The following KCNH7 variants were observed in gnomAD, a reference collection of about 807,000 sequenced individuals.
KCNH7 encodes the protein potassium voltage-gated channel subfamily H member 7, also known as voltage-gated inwardly rectifying potassium channel KCNH7.
KCNH7 carries 49 observed loss-of-function variants against 120.8 expected under a neutral mutation model. The observed-to-expected ratio is 0.41, with a 90% CI of 0.32 to 0.51. The LOEUF is 0.51. Ranked by LOEUF, KCNH7 falls within the 20% of genes least tolerant of loss-of-function variation. The probability of loss-of-function intolerance (pLI) is 0.38; values close to 1 mark genes in which losing one functional copy is unlikely to be tolerated. For missense variants in KCNH7, 1,097 were observed against 1,446.6 expected (o/e 0.76, Z 3.92); for synonymous variants, 547 against 516.1 (o/e 1.06, Z -0.81).
intron 13 of KCNH7, among the ~76,000 whole-genome samples, chr2:162,380,801 A>G (rs1686391178): frequency 6.6e-6 from 1 of 152,162 alleles, no homozygotes; most frequent in Admixed American, 6.6e-5. Context: ...GTAAATACGG[A>G]GGAACTAAAG....
At chr2:162,728,402 AAT>A (rs1302754456) in intron 2 of KCNH7, among the ~76,000 whole-genome samples, 1 of 152,132 alleles carries the variant, frequency 6.6e-6, no homozygotes, top group Non-Finnish European at 1.5e-5. Flanking sequence ...TTTTATTAGA[AAT>A]ATGTTTTCCA....
chr2:162,824,230 A>C (rs368789749), intron 2 of KCNH7, among the ~76,000 whole-genome samples: 9 of 152,338 alleles, frequency 5.9e-5, no homozygotes, highest in African/African-American at 1.9e-4. Context: ...CACACTATAC[A>C]CAGTGAGTAT....
chr2:162,542,923 A>G (rs564281403), intron 2 of KCNH7, among the ~76,000 whole-genome samples: 2 of 152,160 alleles, frequency 1.3e-5, no homozygotes, highest in East Asian at 3.9e-4. Flanking sequence ...TTGTTTCCTG[A>G]CTTTTTAATG....
chr2:162,528,782 A>G (rs1022382245), intron 3 of KCNH7, among the ~76,000 whole-genome samples: 4 of 151,982 alleles, frequency 2.6e-5, no homozygotes, highest in Non-Finnish European at 5.9e-5. Flanking sequence ...AGGAATACTA[A>G]TTGTGAGACT....
chr2:162,795,618 C>T (rs1241152883), intron 2 of KCNH7: 6 of 152,008 alleles, frequency 3.9e-5, no homozygotes, highest in Non-Finnish European at 8.8e-5. Context: ...TCTTTGCCTG[C>T]ATTCAGATTC....
intron 5 of KCNH7, among the ~76,000 whole-genome samples, chr2:162,508,149 A>G (rs1313724213): frequency 6.6e-6 from 1 of 151,570 alleles, no homozygotes; most frequent in East Asian, 1.9e-4. Flanking sequence ...CAGGATAGGA[A>G]AATGAGTATA....
chr2:162,396,670 A>G, intron 11 of KCNH7, 70 bp downstream of exon 11: 8 of 1,150,034 alleles, frequency 7.0e-6, no homozygotes, highest in Non-Finnish European at 1.0e-5. Flanking sequence ...ATTTTTCAGA[A>G]GTATTTGTGC....
intron 2 of KCNH7, among the ~76,000 whole-genome samples, chr2:162,543,144 G>T (rs1426269582): frequency 6.6e-6 from 1 of 152,010 alleles, no homozygotes; most frequent in Non-Finnish European, 1.5e-5. Context: ...AAAGGAGGAA[G>T]TTTTATGAAC....
At chr2:162,400,095 A>C (rs1687027952) in intron 10 of KCNH7, 94 bp downstream of exon 10, 3 of 1,344,912 alleles carry the variant, frequency 2.2e-6, no homozygotes, top group Non-Finnish European at 3.1e-6. Flanking sequence ...TGTTCTTATG[A>C]ATACATACAT....
At chr2:162,733,227 A>G (rs893375872) in intron 2 of KCNH7, among the ~76,000 whole-genome samples, 2 of 152,208 alleles carry the variant, frequency 1.3e-5, no homozygotes. Context: ...AGAGCTGAGT[A>G]GTTAGCATGG....
At chr2:162,401,491 T>C (rs1202403291) in intron 9 of KCNH7, among the ~76,000 whole-genome samples, 1 of 151,932 alleles carries the variant, frequency 6.6e-6, no homozygotes, top group African/African-American at 2.4e-5. Context: ...CCATCCAATA[T>C]AGCTAAAAGT....
At chr2:162,755,582 T>C (rs1228000050) in intron 2 of KCNH7, among the ~76,000 whole-genome samples, 1 of 152,196 alleles carries the variant, frequency 6.6e-6, no homozygotes, top group African/African-American at 2.4e-5. Flanking sequence ...AATCCTTGTG[T>C]GACACTGTGT....
intron 2 of KCNH7, among the ~76,000 whole-genome samples, chr2:162,640,981 T>C (rs1391803552): frequency 6.6e-5 from 10 of 152,088 alleles, no homozygotes; most frequent in Admixed American, 6.6e-4. Context: ...AAATGAGATA[T>C]CACCATACAT....
intron 2 of KCNH7, among the ~76,000 whole-genome samples, chr2:162,571,743 T>A (rs9679359): frequency 0.53 from 54,031 of 101,084 alleles, 15,940 homozygotes; most frequent in African/African-American, 0.78. Flanking sequence ...ATAACGCCAC[T>A]TATCTACAAC....
chr2:162,691,857 C>G (rs1686116800), intron 2 of KCNH7, among the ~76,000 whole-genome samples: 1 of 152,086 alleles, frequency 6.6e-6, no homozygotes, highest in Non-Finnish European at 1.5e-5. Flanking sequence ...TGATATCAAT[C>G]AATTGAAAGA....
intron 5 of KCNH7, among the ~76,000 whole-genome samples, chr2:162,508,826 C>T (rs1690971207): frequency 6.6e-6 from 1 of 151,024 alleles, no homozygotes; most frequent in African/African-American, 2.4e-5. Context: ...ATTTAGGATT[C>T]TAATGAAAGA....
intron 2 of KCNH7, among the ~76,000 whole-genome samples, chr2:162,693,715 CA>C (rs1686192730): frequency 6.6e-6 from 1 of 152,014 alleles, no homozygotes; most frequent in Non-Finnish European, 1.5e-5. Flanking sequence ...AACATGTGGT[CA>C]AACCTTATAA....
At chr2:162,478,939 C>G (rs1462098769) in intron 6 of KCNH7, among the ~76,000 whole-genome samples, 1 of 152,098 alleles carries the variant, frequency 6.6e-6, no homozygotes, top group African/African-American at 2.4e-5. Context: ...ACTCCCTGGG[C>G]TTTCCTGGTG....
chr2:162,485,601 G>T lies in KCNH7; in HGVS notation c.1128+18842C>A, dbSNP rs545666568. On this transcript the variant is annotated intron_variant, in intron 6 of 15. Coordinates refer to ENST00000332142, the MANE Select transcript of KCNH7 (RefSeq NM_033272.4). ...AAGGGAAGAGAAGTCTTTCTTTATT[G>T]AAAACACAAAGTGAGTTGGTAGATT... Among the ~76,000 whole-genome samples the T allele has an allele frequency of 2.0e-5, 3 of 152,212 alleles. No homozygotes were observed. In the East Asian group the frequency reaches 5.8e-4, roughly 29 times the overall value.
Sources: allele counts gnomAD v4.1 joint callset (sites outside exome capture counted in the v4.1 genomes callset), GRCh38; gene constraint gnomAD v4.1.1; transcripts MANE v1.5; gene names NCBI Gene and HGNC (gene_info 2026-07-23, HGNC 2026-07-21).